The following ABCC4 variants were observed in gnomAD, a reference collection of about 807,000 sequenced individuals.
The protein encoded by ABCC4 is ATP-binding cassette sub-family C member 4.
ABCC4 carries 102 observed loss-of-function variants against 168.5 expected under a neutral mutation model. The observed-to-expected ratio is 0.61, with a 90% CI of 0.52 to 0.71. The LOEUF (loss-of-function observed/expected upper bound fraction) is 0.71, where lower values mean the gene tolerates loss of function less well. ABCC4 is among the 30% of genes least tolerant of loss of function. ABCC4 has a pLI of 0.00. For missense variants in ABCC4, 1,402 were observed against 1,605.8 expected (o/e 0.87, Z 2.17); for synonymous variants, 617 against 590.7 (o/e 1.04, Z -0.65).
intron 30 of ABCC4, among the ~76,000 whole-genome samples, chr13:95,032,831 A>C (rs2031942192): frequency 6.6e-6 from 1 of 150,530 alleles, no homozygotes; most frequent in African/African-American, 2.4e-5. Flanking sequence ...CGCCCAGCTA[A>C]TTTTTGTATT....
chr13:95,257,748 C>G (rs753906095), intron 1 of ABCC4, among the ~76,000 whole-genome samples: 2 of 152,182 alleles, frequency 1.3e-5, no homozygotes, highest in South Asian at 4.2e-4. Context: ...GTTCAAGGGT[C>G]AACTGTGCTT....
chr13:95,140,193 G>A (rs566152678), intron 19 of ABCC4, among the ~76,000 whole-genome samples: 155 of 152,242 alleles, frequency 1.0e-3, no homozygotes, highest in African/African-American at 3.5e-3. Flanking sequence ...ACCATAACTG[G>A]TACACCTACG....
intron 1 of ABCC4, among the ~76,000 whole-genome samples, chr13:95,289,199 T>C (rs1047844594): frequency 6.6e-6 from 1 of 152,180 alleles, no homozygotes; most frequent in African/African-American, 2.4e-5. Flanking sequence ...TCCTGACCAA[T>C]AAAATGCACC....
At chr13:95,291,508 A>G (rs1358019229) in intron 1 of ABCC4, among the ~76,000 whole-genome samples, 1 of 152,158 alleles carries the variant, frequency 6.6e-6, no homozygotes, top group African/African-American at 2.4e-5. Flanking sequence ...ATCTGCCACA[A>G]CCTAGAGGAC....
rs548137580 is a variant in ABCC4 at position 95,247,037 on chromosome 13, T to C, written c.244A>G (p.Arg82Gly). 15 of 1,612,928 alleles carry C rather than the reference T, an allele frequency of 9.3e-6. No homozygotes were observed. Among genetic ancestry groups the C allele is most frequent in the Admixed American group, 1.7e-5 (1 of 60,014 alleles). ...ENDAQKPSLT[R>G]AIIKCYWKSY... Reference sequence around the variant, plus strand: ...TTCCAGTAACACTTTATGATTGCTCTTGTTAAAGAAGGCTTCTGTGCGTCA... The same window carrying C: ...TTCCAGTAACACTTTATGATTGCTCCTGTTAAAGAAGGCTTCTGTGCGTCA... The change falls in exon 3 of 31, where the codon AGA becomes GGA. Residue 82 changes from arginine to glycine, a missense_variant. Coordinates refer to ENST00000645237, the MANE Select transcript of ABCC4 (RefSeq NM_005845.5).
At chr13:95,295,962 CAAAAA>C (rs59341854) in intron 1 of ABCC4, among the ~76,000 whole-genome samples, 1 of 114,094 alleles carries the variant, frequency 8.8e-6, no homozygotes, top group African/African-American at 3.1e-5. Context: ...GAGACTCCGT[CAAAAA>C]AAAAAAAAAA....
chr13:95,299,857 C>T (rs537114349), intron 1 of ABCC4, among the ~76,000 whole-genome samples: 1 of 152,102 alleles, frequency 6.6e-6, no homozygotes, highest in Non-Finnish European at 1.5e-5. Flanking sequence ...CCGCCACTCC[C>T]CCAAGACGGA....
chr13:95,159,894 A>G (rs889438665), intron 19 of ABCC4, among the ~76,000 whole-genome samples: 19 of 152,234 alleles, frequency 1.2e-4, no homozygotes, highest in African/African-American at 4.6e-4. Flanking sequence ...CCCCACAGTG[A>G]AGGTGATTCA....
At chr13:95,138,419 A>C (rs2036207002) in intron 19 of ABCC4, among the ~76,000 whole-genome samples, 1 of 152,250 alleles carries the variant, frequency 6.6e-6, no homozygotes, top group African/African-American at 2.4e-5. Context: ...TACTCAATGC[A>C]ATTAAATGAA....
chr13:95,087,446 C>A (rs1393012096), intron 20 of ABCC4, among the ~76,000 whole-genome samples: 3 of 152,038 alleles, frequency 2.0e-5, no homozygotes, highest in African/African-American at 7.3e-5. Context: ...CGAGATCATG[C>A]CACTGCACTC....
At chr13:95,250,757 C>CTTTT (rs66485168) in intron 1 of ABCC4, among the ~76,000 whole-genome samples, 9 of 78,868 alleles carry the variant, frequency 1.1e-4, no homozygotes, top group Non-Finnish European at 1.6e-4. Flanking sequence ...ATACTGGTTT[C>CTTTT]TTTTTTTTTT....
intron 25 of ABCC4, among the ~76,000 whole-genome samples, chr13:95,063,902 A>T (rs1414137258): frequency 3.3e-5 from 5 of 152,190 alleles, no homozygotes; most frequent in Admixed American, 3.3e-4. Context: ...CATCCTCCTT[A>T]TTTAGAAATC....
intron 19 of ABCC4, among the ~76,000 whole-genome samples, chr13:95,134,023 C>A (rs1045525117): frequency 6.6e-6 from 1 of 152,146 alleles, no homozygotes; most frequent in African/African-American, 2.4e-5. Flanking sequence ...TAAGTCAACA[C>A]AATGATATTC....
chr13:95,154,920 C>T (rs538917411), intron 19 of ABCC4, among the ~76,000 whole-genome samples: 1 of 152,296 alleles, frequency 6.6e-6, no homozygotes, highest in South Asian at 2.1e-4. Context: ...GGTATCCCTA[C>T]AATTATGTTT....
chr13:95,021,634 C>A lies in ABCC4; in HGVS notation c.3919G>T (p.Val1307Phe). 1 of 1,613,196 alleles carries A rather than the reference C, an allele frequency of 6.2e-7. No homozygotes were observed. Among genetic ancestry groups the A allele is most frequent in the East Asian group, 2.2e-5 (1 of 44,860 alleles). The change falls in exon 31 of 31, where the codon GTT becomes TTT. Residue 1307 changes from valine (V) to phenylalanine (F), a missense_variant. This residue lies in a region of ABCC4 where 1,007 missense variants were observed against 1,127.3 expected (regional missense o/e 0.89). Coordinates refer to ENST00000645237, the MANE Select transcript of ABCC4 (RefSeq NM_005845.5). ...GGCTGTCCATTGGAAGTGTTTGTAA[C>A]CATGTGGTCAGTGTGACCAATATGT... ...YPHIGHTDHMVTNTSNGQPST... is the reference protein window; with the variant it reads ...YPHIGHTDHMFTNTSNGQPST...
At chr13:95,281,369 A>G (rs1326195160) in intron 1 of ABCC4, among the ~76,000 whole-genome samples, 2 of 152,076 alleles carry the variant, frequency 1.3e-5, no homozygotes, top group East Asian at 3.9e-4. Flanking sequence ...ATTCTGCCTG[A>G]AAGAACAGAA....
intron 10 of ABCC4, 60 bp from the exon 11 acceptor site, chr13:95,186,952 T>G (rs898039293): frequency 1.1e-5 from 16 of 1,423,414 alleles, no homozygotes; most frequent in Admixed American, 7.6e-5. Flanking sequence ...AATAAGCCAC[T>G]GCAATGCAGC....
intron 1 of ABCC4, among the ~76,000 whole-genome samples, chr13:95,288,227 C>G (rs2041310290): frequency 6.6e-6 from 1 of 152,096 alleles, no homozygotes; most frequent in South Asian, 2.1e-4. Context: ...TCTTCTGGCT[C>G]CAGTCTGAGG....
Position 95,202,688 on chromosome 13 carries a change from A to G in ABCC4, c.1161+3844T>C, listed in dbSNP as rs1399641184. On this transcript the variant is annotated intron_variant, in intron 8 of 30. Transcript: ENST00000645237. ...TTTTTGAGATGGAGTCTCCTCTGTCACCCAGGCTGGAGTGCAGTGGTGCAA... is the reference window on the plus strand; with the variant it reads ...TTTTTGAGATGGAGTCTCCTCTGTCGCCCAGGCTGGAGTGCAGTGGTGCAA... 3.3e-5 allele frequency among the ~76,000 whole-genome samples: 4 copies of G among 120,838 alleles called. No individual in the cohort carries two copies. The Admixed American group carries it at 3.4e-4, about 10-fold the overall frequency. The allele number at this position is 120,838 out of a possible 152,430, so 79.3% of individuals were successfully genotyped here. A position where few individuals can be genotyped will look rare whatever the true frequency, so the allele number is the denominator to read the frequency against.
Sources: allele counts gnomAD v4.1 joint callset (sites outside exome capture counted in the v4.1 genomes callset), GRCh38; gene constraint gnomAD v4.1.1; regional missense constraint gnomAD v4.1.1; transcripts MANE v1.5; gene names NCBI Gene and HGNC (gene_info 2026-07-23, HGNC 2026-07-21).